Variants in BCL2 observed in about 807,000 individuals in gnomAD.
BCL2 encodes BCL2 apoptosis regulator.
Under a neutral mutation model 14.2 loss-of-function variants are expected in BCL2, and 1 was observed. The observed-to-expected ratio is 0.07, with a 90% CI of 0.02 to 0.33. The LOEUF is 0.33. Among genes scored for constraint, BCL2 ranks in the 10% least tolerant of loss-of-function variants. BCL2 has a pLI of 0.99. For missense variants in BCL2, 247 were observed against 305.9 expected (o/e 0.81, Z 1.44); for synonymous variants, 151 against 137.2 (o/e 1.10, Z -0.70).
At chr18:63,243,120 T>C (rs1337293850) in intron 2 of BCL2, among the ~76,000 whole-genome samples, 1 of 152,154 alleles carries the variant, frequency 6.6e-6, no homozygotes, top group East Asian at 1.9e-4. Context: ...CCATCAGTGA[T>C]AGACTGGATA....
At chr18:63,303,064 G>GA (rs1281284368) in intron 2 of BCL2, among the ~76,000 whole-genome samples, 3 of 151,616 alleles carry the variant, frequency 2.0e-5, no homozygotes, top group South Asian at 2.1e-4. Flanking sequence ...GACTCTAGAA[G>GA]AAAAAAAACA....
intron 2 of BCL2, among the ~76,000 whole-genome samples, chr18:63,277,982 T>C (rs1219984538): frequency 5.9e-5 from 9 of 152,144 alleles, no homozygotes; most frequent in African/African-American, 2.2e-4. Flanking sequence ...CCAGTGTCCC[T>C]CAACCCAACT....
intron 2 of BCL2, among the ~76,000 whole-genome samples, chr18:63,284,658 T>C (rs1472409278): frequency 6.6e-6 from 1 of 152,168 alleles, no homozygotes; most frequent in East Asian, 1.9e-4. Context: ...CAAAAAAAGC[T>C]ACCTTCAAAT....
At chr18:63,157,818 C>T (rs1253028132) in intron 2 of BCL2, among the ~76,000 whole-genome samples, 2 of 152,296 alleles carry the variant, frequency 1.3e-5, no homozygotes, top group African/African-American at 2.4e-5. Flanking sequence ...AGGCCAAGTA[C>T]GTGCTGTTTA....
chr18:63,317,922 T>G, intron 2 of BCL2, 160 bp downstream of exon 2: 1 of 1,451,178 alleles, frequency 6.9e-7, no homozygotes, highest in Non-Finnish European at 9.1e-7. Flanking sequence ...GAGTGAACGC[T>G]TTGTCCAGAG....
At chr18:63,130,072 G>A (rs1440994946) in intron 2 of BCL2, among the ~76,000 whole-genome samples, 2 of 152,166 alleles carry the variant, frequency 1.3e-5, no homozygotes, top group Admixed American at 1.3e-4. Flanking sequence ...CTCTGGATGG[G>A]CTTGGATTGA....
intron 2 of BCL2, among the ~76,000 whole-genome samples, chr18:63,230,986 A>G (rs1381920651): frequency 6.6e-6 from 1 of 151,796 alleles, no homozygotes; most frequent in Admixed American, 6.6e-5. Context: ...ATTTGAGATT[A>G]TATCTATCAA....
chr18:63,228,783 A>G (rs1910614586), intron 2 of BCL2, among the ~76,000 whole-genome samples: 1 of 151,608 alleles, frequency 6.6e-6, no homozygotes, highest in Non-Finnish European at 1.5e-5. Flanking sequence ...ATCTCCGCTT[A>G]CTGCAACCTC....
chr18:63,317,518 A>G (rs1425447664), intron 2 of BCL2: 2 of 979,524 alleles, frequency 2.0e-6, no homozygotes, highest in East Asian at 1.1e-4. Context: ...TTTTTCAGGG[A>G]AAAAGACTTA....
chr18:63,274,945 C>T (rs34628711), intron 2 of BCL2, among the ~76,000 whole-genome samples: 6,788 of 152,238 alleles, frequency 0.045, 254 homozygotes, highest in African/African-American at 0.085. Context: ...CCTACATTCA[C>T]GGGCCCAAAC....
chr18:63,169,264 CTT>C (rs760619751), intron 2 of BCL2, among the ~76,000 whole-genome samples: 1,929 of 65,810 alleles, frequency 0.029, 213 homozygotes, highest in African/African-American at 0.13. Context: ...TTCTTTCTTT[CTT>C]TCTTTCTTTC....
chr18:63,211,572 G>A (rs563350452), intron 2 of BCL2, among the ~76,000 whole-genome samples: 38 of 152,242 alleles, frequency 2.5e-4, no homozygotes, highest in African/African-American at 7.9e-4. Context: ...CTGTCATTTT[G>A]GTAACTCAAC....
At chr18:63,192,665 T>C (rs1166570404) in intron 2 of BCL2, among the ~76,000 whole-genome samples, 2 of 152,140 alleles carry the variant, frequency 1.3e-5, no homozygotes, top group East Asian at 1.9e-4. Context: ...CACCAGGGGA[T>C]ACCACGGCCA....
In BCL2 at chr18:63,150,348, C is replaced by T. The variant is rs1914623793; in HGVS notation, c.586-21589G>A. 2.0e-5 allele frequency among the ~76,000 whole-genome samples: 3 copies of T among 152,222 alleles called. No homozygotes were observed. In the South Asian group the frequency reaches 6.2e-4, roughly 32 times the overall value. The stretch of plus-strand genomic sequence containing the variant: ...CAACACCCAGCTGAAGAGTGGACAC[C>T]AGTGAATGCACTCTGCTCCTATCTT... On this transcript the variant is annotated intron_variant, in intron 2 of 2. Transcript: ENST00000333681.
In BCL2 at chr18:63,125,470, T is replaced by C. The variant is rs1005041509; in HGVS notation, c.*3155A>G. The C allele has an allele frequency of 9.1e-6, 2 of 219,820 alleles. No individual in the cohort carries two copies. Among genetic ancestry groups the C allele is most frequent in the African/African-American group, 4.5e-5 (2 of 44,630 alleles). The allele number at this position is 219,820 out of a possible 1,614,324, so 13.6% of individuals were successfully genotyped here. On this transcript the variant is annotated 3_prime_UTR_variant, in exon 3 of 3. Transcript: ENST00000333681. The stretch of plus-strand genomic sequence containing the variant: ...GAGGTTCTCAGATGTTCTTCTCCTT[T>C]TGGGGCTTTTTTTAGAGCCCTTGTC...
At chr18:63,184,664 A>C (rs1255938447) in intron 2 of BCL2, among the ~76,000 whole-genome samples, 1 of 152,226 alleles carries the variant, frequency 6.6e-6, no homozygotes, top group African/African-American at 2.4e-5. Context: ...ATCAGGGGAG[A>C]GTAGGATGGA....
chr18:63,128,739 G>A lies in BCL2; in HGVS notation c.606C>T (p.Tyr202=), dbSNP rs1434316861. 9 of 780,348 alleles carry A rather than the reference G, an allele frequency of 1.2e-5. No homozygotes were observed. The highest frequency in any genetic ancestry group is 1.9e-5 in the Non-Finnish European group (8 of 417,874). The allele number at this position is 780,348 out of a possible 1,614,324, so 48.3% of individuals were successfully genotyped here. A position where few individuals can be genotyped will look rare whatever the true frequency, so the allele number is the denominator to read the frequency against. ...CAAACAGAGGCCGCATGCTGGGGCC[G>A]TACAGTTCCACAAAGGCATCCTGCA... ...NGGWDAFVEL[Y]GPSMRPLFDF... is the part of the protein sequence containing the mutation. Residue 202 remains tyrosine, a synonymous_variant, in exon 3 of 3, where the codon TAC becomes TAT. Transcript: ENST00000333681.
At chr18:63,232,764 ACTT>A (rs2144178954) in intron 2 of BCL2, among the ~76,000 whole-genome samples, 1 of 152,316 alleles carries the variant, frequency 6.6e-6, no homozygotes, top group Admixed American at 6.5e-5. Flanking sequence ...CAGTAATTCC[ACTT>A]CTTCTGTATC....
At chr18:63,294,301 T>C (rs60339246) in intron 2 of BCL2, among the ~76,000 whole-genome samples, 3,988 of 152,216 alleles carry the variant, frequency 0.026, 167 homozygotes, top group African/African-American at 0.091. Flanking sequence ...CTCTACAAAA[T>C]ACAAAGCTAT....
Sources: allele counts gnomAD v4.1 joint callset (sites outside exome capture counted in the v4.1 genomes callset), GRCh38; gene constraint gnomAD v4.1.1; transcripts MANE v1.5; gene names NCBI Gene and HGNC (gene_info 2026-07-23, HGNC 2026-07-21).